Variants in OXR1 observed in about 807,000 individuals in gnomAD.
The protein encoded by OXR1 is oxidation resistance 1, also known as oxidation resistance protein 1.
In OXR1, 41 loss-of-function variants were observed where a neutral mutation model predicts 104.6. That is an observed-to-expected ratio of 0.39 (90% CI 0.31 to 0.51). OXR1 has a LOEUF of 0.51. Among genes scored for constraint, OXR1 ranks in the 20% least tolerant of loss-of-function variants. The probability of loss-of-function intolerance (pLI) is 0.77; values close to 1 mark genes in which losing one functional copy is unlikely to be tolerated. For missense variants in OXR1, 955 were observed against 1,031.9 expected (o/e 0.93, Z 1.02); for synonymous variants, 348 against 348.4 (o/e 1.00, Z 0.01).
chr8:106,362,516 A>G (rs1816290028), intron 2 of OXR1, among the ~76,000 whole-genome samples: 1 of 152,210 alleles, frequency 6.6e-6, no homozygotes, highest in South Asian at 2.1e-4. Context: ...GAAAAAATAT[A>G]TAAATAATTT....
chr8:106,477,398 A>G (rs1240126549), intron 2 of OXR1, among the ~76,000 whole-genome samples: 1 of 152,018 alleles, frequency 6.6e-6, no homozygotes, highest in East Asian at 1.9e-4. Flanking sequence ...TTATAGTAGT[A>G]CAGTACATAC....
Position 106,356,484 on chromosome 8 carries a change from T to TA in OXR1, c.-138-2991dup, listed in dbSNP as rs1450440487. Among the ~76,000 whole-genome samples, 4 of 152,138 alleles carry TA rather than the reference T, an allele frequency of 2.6e-5. No individual in the cohort carries two copies. The East Asian group carries it at 7.7e-4, about 29-fold the overall frequency. On this transcript the variant is annotated intron_variant, in intron 1 of 16. Coordinates refer to ENST00000517566, the MANE Select transcript of OXR1 (RefSeq NM_001198533.2). Reference sequence around the variant, plus strand: ...TGACAATATTTGACCATTTTTGACCTACAAAAGCAATGGGTTCATATGACT... The same window carrying TA: ...TGACAATATTTGACCATTTTTGACCTAACAAAAGCAATGGGTTCATATGACT...
chr8:106,668,475 A>G (rs1361516053), intron 3 of OXR1, among the ~76,000 whole-genome samples: 2 of 152,194 alleles, frequency 1.3e-5, no homozygotes, highest in African/African-American at 2.4e-5. Context: ...TCTTTTAGGA[A>G]TTACACCTTT....
intron 2 of OXR1, among the ~76,000 whole-genome samples, chr8:106,513,388 A>G (rs1325837599): frequency 6.6e-6 from 1 of 150,676 alleles, no homozygotes; most frequent in East Asian, 2.0e-4. Flanking sequence ...TTGCTGTCTC[A>G]GGTCAAACCT....
At chr8:106,473,394 A>G (rs971930526) in intron 2 of OXR1, among the ~76,000 whole-genome samples, 1 of 151,862 alleles carries the variant, frequency 6.6e-6, no homozygotes, top group Non-Finnish European at 1.5e-5. Flanking sequence ...AAAAAATGCT[A>G]TGTGTTTTGT....
Position 106,618,026 on chromosome 8 carries a change from C to T in OXR1, c.221-61184C>T. ...GCACACTGCCACCAGGGGTCAGGGA[C>T]CGGGCGGGAGGAGAAGGCACTCTGG... On this transcript the variant is annotated intron_variant, in intron 3 of 16. Transcript: ENST00000517566. 2.6e-6 allele frequency: 4 copies of T among 1,512,494 alleles called. No homozygotes were observed. The South Asian group carries it at 5.0e-5, about 19-fold the overall frequency. The allele number at this position is 1,512,494 out of a possible 1,614,324, so 93.7% of individuals were successfully genotyped here.
chr8:106,746,825 G>A (rs1377549809), intron 16 of OXR1, among the ~76,000 whole-genome samples: 1 of 152,092 alleles, frequency 6.6e-6, no homozygotes, highest in Non-Finnish European at 1.5e-5. Flanking sequence ...CCCCTAAACA[G>A]TAGTCTTACA....
chr8:106,299,039 G>C (rs1470682835), intron 1 of OXR1, among the ~76,000 whole-genome samples: 3 of 151,856 alleles, frequency 2.0e-5, no homozygotes, highest in Admixed American at 2.0e-4. Flanking sequence ...GGATAAGCTA[G>C]ACAATATTGT....
intron 3 of OXR1, among the ~76,000 whole-genome samples, chr8:106,663,300 A>G (rs1825951990): frequency 6.6e-6 from 1 of 152,210 alleles, no homozygotes; most frequent in African/African-American, 2.4e-5. Flanking sequence ...TAGTATTTGC[A>G]AGAGTTACAG....
rs553846730 is a variant in OXR1 at position 106,751,017 on chromosome 8, G to A, written c.*76G>A. 6.6e-6 allele frequency: 7 copies of A among 1,064,110 alleles called. No homozygotes were observed. Among genetic ancestry groups the A allele is most frequent in the Admixed American group, 2.3e-5 (1 of 42,910 alleles). The allele number at this position is 1,064,110 out of a possible 1,614,324, so 65.9% of individuals were successfully genotyped here. A position where few individuals can be genotyped will look rare whatever the true frequency, so the allele number is the denominator to read the frequency against. On this transcript the variant is annotated 3_prime_UTR_variant, in exon 17 of 17. Coordinates refer to ENST00000517566, the MANE Select transcript of OXR1 (RefSeq NM_001198533.2). ...AAGCATTGTTTGGAAAGTTCAAGAA[G>A]CAATACAGTGTAACATGTCACTTGT... is the stretch of plus-strand genomic sequence containing the variant.
intron 2 of OXR1, among the ~76,000 whole-genome samples, chr8:106,467,461 G>C (rs564147833): frequency 6.6e-6 from 1 of 151,896 alleles, no homozygotes; most frequent in African/African-American, 2.4e-5. Flanking sequence ...TTTATTCCTG[G>C]TGGCTTGATA....
intron 11 of OXR1, among the ~76,000 whole-genome samples, chr8:106,715,536 C>T (rs776956): frequency 0.13 from 19,856 of 151,214 alleles, 1,579 homozygotes; most frequent in Non-Finnish European, 0.18. Flanking sequence ...ATCAAAGATA[C>T]GTACCTAACT....
intron 1 of OXR1, among the ~76,000 whole-genome samples, chr8:106,274,834 C>A (rs1811971097): frequency 6.6e-6 from 1 of 152,150 alleles, no homozygotes; most frequent in South Asian, 2.1e-4. Flanking sequence ...TAGTGAAAGA[C>A]CTGAGGAAAA....
chr8:106,550,128 C>T (rs961990185), intron 3 of OXR1, among the ~76,000 whole-genome samples: 11 of 152,160 alleles, frequency 7.2e-5, no homozygotes, highest in Non-Finnish European at 1.0e-4. Context: ...AGTCATTATG[C>T]CACTAAGAAG....
intron 2 of OXR1, among the ~76,000 whole-genome samples, chr8:106,479,788 A>G (rs1822005643): frequency 6.6e-6 from 1 of 152,040 alleles, no homozygotes; most frequent in Non-Finnish European, 1.5e-5. Context: ...TTGGCAGTTC[A>G]TAGTTATTCC....
At chr8:106,330,636 A>G (rs560631447) in intron 1 of OXR1, among the ~76,000 whole-genome samples, 2 of 152,308 alleles carry the variant, frequency 1.3e-5, no homozygotes, top group East Asian at 1.9e-4. Context: ...CTGGATGTTA[A>G]GAACTTCTTC....
At chr8:106,393,481 A>C (rs1817660849) in intron 2 of OXR1, among the ~76,000 whole-genome samples, 1 of 152,166 alleles carries the variant, frequency 6.6e-6, no homozygotes. Flanking sequence ...TATTTTTAAC[A>C]GTCTATGTTA....
At chr8:106,400,486 A>G (rs972264678) in intron 2 of OXR1, among the ~76,000 whole-genome samples, 1 of 152,194 alleles carries the variant, frequency 6.6e-6, no homozygotes, top group African/African-American at 2.4e-5. Flanking sequence ...ATTTTCCAAC[A>G]CTAGTAAAAT....
At position 106,707,449 on chromosome 8, in the gene OXR1, A is replaced by G. The variant is rs1831254888; in HGVS notation, c.1624+304A>G. The G allele has an allele frequency of 2.1e-5, 11 of 515,268 alleles. 1 individual carries two copies. The Middle Eastern group carries it at 1.4e-3, about 68-fold the overall frequency. The allele number at this position is 515,268 out of a possible 1,614,324, so 31.9% of individuals were successfully genotyped here. On this transcript the variant is annotated intron_variant, in intron 9 of 16. Coordinates refer to ENST00000517566, the MANE Select transcript of OXR1 (RefSeq NM_001198533.2). ...AGAAATTGCACAAAAGCTGTATAAT[A>G]CCTTTGATCACTCCATTTTCTCTTA...
Sources: allele counts gnomAD v4.1 joint callset (sites outside exome capture counted in the v4.1 genomes callset), GRCh38; gene constraint gnomAD v4.1.1; transcripts MANE v1.5; gene names NCBI Gene and HGNC (gene_info 2026-07-23, HGNC 2026-07-21).